Variants in KSR1 observed in about 807,000 individuals in gnomAD.
KSR1 encodes the protein kinase suppressor of ras.
In KSR1, 35 loss-of-function variants were observed where a neutral mutation model predicts 92.9. The observed-to-expected ratio is 0.38, with a 90% confidence interval of 0.29 to 0.50. The LOEUF (loss-of-function observed/expected upper bound fraction) is 0.50. KSR1 is among the 20% of genes least tolerant of loss of function. The probability of loss-of-function intolerance (pLI) is 0.94; values close to 1 mark genes in which losing one functional copy is unlikely to be tolerated. For missense variants in KSR1, 972 were observed against 1,158.5 expected (o/e 0.84, Z 2.34); for synonymous variants, 467 against 472.6 (o/e 0.99, Z 0.15).
intron 1 of KSR1, among the ~76,000 whole-genome samples, chr17:27,494,624 G>A (rs1007969712): frequency 6.6e-6 from 1 of 152,212 alleles, no homozygotes; most frequent in South Asian, 2.1e-4. Flanking sequence ...GGACAAGTAC[G>A]AACAGGTCTT....
At chr17:27,594,436 G>A (rs1379497910) in intron 9 of KSR1, among the ~76,000 whole-genome samples, 2 of 151,990 alleles carry the variant, frequency 1.3e-5, no homozygotes, top group East Asian at 3.9e-4. Context: ...ACGACCACCT[G>A]CCCATCATGT....
intron 9 of KSR1, among the ~76,000 whole-genome samples, chr17:27,596,298 C>T (rs2073343239): frequency 1.3e-5 from 2 of 152,150 alleles, no homozygotes; most frequent in African/African-American, 2.4e-5. Context: ...CAGCTCAGGC[C>T]GAGGCCTTCT....
Position 27,550,561 on chromosome 17 carries a change from T to C in KSR1, c.232-7T>C. On this transcript the variant is annotated splice_polypyrimidine_tract_variant and splice_region_variant and intron_variant, in intron 1 of 20. Coordinates refer to ENST00000644974, the MANE Select transcript of KSR1 (RefSeq NM_001394583.1). ...ACACAGGCTTTTCTTTTTTGGACTT[T>C]CTGCAGGCGAAGCTGGTCCGTTACA... 1 of 764,356 alleles carries C rather than the reference T, an allele frequency of 1.3e-6. No individual in the cohort carries two copies. 47.3% of individuals were successfully genotyped at this position (764,356 alleles called of 1,614,324 possible). A position where few individuals can be genotyped will look rare whatever the true frequency, so the allele number is the denominator to read the frequency against.
intron 19 of KSR1, among the ~76,000 whole-genome samples, chr17:27,620,185 T>C (rs946504386): frequency 6.6e-6 from 1 of 152,248 alleles, no homozygotes; most frequent in African/African-American, 2.4e-5. Flanking sequence ...TCTCATGCAA[T>C]ACTGGGTTCA....
intron 7 of KSR1, among the ~76,000 whole-genome samples, chr17:27,591,652 G>C (rs1178394911): frequency 6.6e-6 from 1 of 152,244 alleles, no homozygotes; most frequent in East Asian, 1.9e-4. Context: ...CGACTCTCCT[G>C]ACCTCTAGGG....
At chr17:27,613,921 G>A (rs928903548) in intron 18 of KSR1, among the ~76,000 whole-genome samples, 1 of 152,188 alleles carries the variant, frequency 6.6e-6, no homozygotes, top group Non-Finnish European at 1.5e-5. Context: ...TCCCGCCTCA[G>A]CCTCCAAGTA....
At position 27,577,715 on chromosome 17, in the gene KSR1, T is replaced by C. The variant is rs752637272; in HGVS notation, c.520+76T>C. 2 of 1,260,690 alleles carry C rather than the reference T, an allele frequency of 1.6e-6. No individual in the cohort carries two copies. Among genetic ancestry groups the C allele is most frequent in the South Asian group, 2.6e-5 (2 of 78,202 alleles). The allele number at this position is 1,260,690 out of a possible 1,614,324, so 78.1% of individuals were successfully genotyped here. A position where few individuals can be genotyped will look rare whatever the true frequency, so the allele number is the denominator to read the frequency against. On this transcript the variant is annotated intron_variant, in intron 3 of 20. Transcript: ENST00000644974. The surrounding 1 kb of genome is among the most constrained non-coding windows in gnomAD (Gnocchi z 4.5). ...CTGTGGCCTTCACTATGGTGGGTGA[T>C]GGAGCGGGGCAAGCGTGGCCCAGGG...
At chr17:27,604,623 G>A in intron 12 of KSR1, 57 bp from the exon 13 acceptor site, 1 of 1,532,702 alleles carries the variant, frequency 6.5e-7, no homozygotes, top group Non-Finnish European at 9.0e-7. Flanking sequence ...GTCCCCGCTA[G>A]CTGAGAGCAG....
intron 1 of KSR1, among the ~76,000 whole-genome samples, chr17:27,535,113 T>G (rs985929871): frequency 4.6e-5 from 7 of 152,102 alleles, no homozygotes; most frequent in Non-Finnish European, 1.0e-4. Flanking sequence ...GGTGCTTGGT[T>G]TTAATCTATG....
At chr17:27,479,584 C>T (rs986601817) in intron 1 of KSR1, among the ~76,000 whole-genome samples, 9 of 152,182 alleles carry the variant, frequency 5.9e-5, no homozygotes, top group African/African-American at 1.9e-4. Context: ...GCTTTCTTTG[C>T]TCAGTTGAGA....
chr17:27,542,041 C>T (rs1179126599), intron 1 of KSR1, among the ~76,000 whole-genome samples: 1 of 152,170 alleles, frequency 6.6e-6, no homozygotes, highest in African/African-American at 2.4e-5. Flanking sequence ...TTCAGTTACA[C>T]ATGATTGTAT....
intron 5 of KSR1, among the ~76,000 whole-genome samples, chr17:27,586,790 G>T (rs2072984834): frequency 6.6e-6 from 1 of 152,192 alleles, no homozygotes; most frequent in African/African-American, 2.4e-5. Context: ...TCATAAGGTG[G>T]CTTTTGGGGC....
At position 27,500,806 on chromosome 17, in the gene KSR1, C is replaced by T. The variant is rs778957958; in HGVS notation, c.231+43932C>T. Reference sequence around the variant, plus strand: ...AGGGATTGGGGCCCTCTGCGAGTAGCGGGGGCAAAGGGTGCTGCTGGGTCC... The same window carrying T: ...AGGGATTGGGGCCCTCTGCGAGTAGTGGGGGCAAAGGGTGCTGCTGGGTCC... On this transcript the variant is annotated intron_variant, in intron 1 of 20. Transcript: ENST00000644974. Among the ~76,000 whole-genome samples, 22 of 152,058 alleles carry T rather than the reference C, an allele frequency of 1.4e-4. 1 individual carries two copies. Among genetic ancestry groups the T allele is most frequent in the Admixed American group, 7.2e-4 (11 of 15,268 alleles).
In KSR1 at chr17:27,624,889, T is replaced by A. The variant is rs537691034; in HGVS notation, c.*1497T>A. 1 of 152,512 alleles carries A rather than the reference T, an allele frequency of 6.6e-6. No homozygotes were observed. Among genetic ancestry groups the A allele is most frequent in the East Asian group, 1.9e-4 (1 of 5,184 alleles). 9.4% of individuals were successfully genotyped at this position (152,512 alleles called of 1,614,324 possible). On this transcript the variant is annotated 3_prime_UTR_variant, in exon 21 of 21. Transcript: ENST00000644974. The stretch of plus-strand genomic sequence containing the variant: ...GGTCAAAATGCCACAGAAAATGAGC[T>A]GCTCTGCCAGCAAGCTGTGGAGCTG...
intron 1 of KSR1, among the ~76,000 whole-genome samples, chr17:27,542,545 G>T (rs2071004825): frequency 6.6e-6 from 1 of 152,176 alleles, no homozygotes; most frequent in Admixed American, 6.5e-5. Flanking sequence ...GCCCACAGAA[G>T]AGATCTCCCC....
intron 1 of KSR1, among the ~76,000 whole-genome samples, chr17:27,505,296 C>T (rs916446159): frequency 6.6e-6 from 1 of 152,174 alleles, no homozygotes; most frequent in Non-Finnish European, 1.5e-5. Context: ...CAGTGCAACC[C>T]GTTTGCCCCT....
chr17:27,465,029 A>G (rs1398944841), intron 1 of KSR1: 3 of 152,132 alleles, frequency 2.0e-5, no homozygotes, highest in Non-Finnish European at 4.4e-5. Context: ...AGGGTTGGAC[A>G]CGGCTGATCT....
chr17:27,555,055 T>C (rs2071539469), intron 2 of KSR1, among the ~76,000 whole-genome samples: 1 of 152,204 alleles, frequency 6.6e-6, no homozygotes, highest in Admixed American at 6.5e-5. Context: ...TCCTTTACTG[T>C]CCTCTCTCTT....
At chr17:27,478,605 G>C (rs1361465120) in intron 1 of KSR1, among the ~76,000 whole-genome samples, 1 of 152,070 alleles carries the variant, frequency 6.6e-6, no homozygotes, top group African/African-American at 2.4e-5. Flanking sequence ...CCCAGGTGTG[G>C]GTTCCCATCC....
Sources: gnomAD v4.1 joint callset for allele counts (sites outside exome capture counted in the v4.1 genomes callset) on GRCh38, gnomAD v4.1.1 for gene constraint, Gnocchi (gnomAD v3.1) non-coding constraint, MANE v1.5 for transcripts, NCBI Gene and HGNC (gene_info 2026-07-23, HGNC 2026-07-21) for gene names.